KCTD16: variants seen among roughly 807,000 people sequenced by gnomAD.
The protein encoded by KCTD16 is potassium channel tetramerization domain containing 16, also known as BTB/POZ domain-containing protein KCTD16.
In KCTD16, 13 loss-of-function variants were observed where a neutral mutation model predicts 33.2. The ratio of observed to expected loss-of-function variants is 0.39; its 90% CI spans 0.25 to 0.62. KCTD16 has a LOEUF of 0.62. Among genes scored for constraint, KCTD16 ranks in the 20% least tolerant of loss-of-function variants. The pLI is 0.50. For missense variants in KCTD16, 441 were observed against 525.1 expected (o/e 0.84, Z 1.57); for synonymous variants, 197 against 195.3 (o/e 1.01, Z -0.07).
intron 3 of KCTD16, among the ~76,000 whole-genome samples, chr5:144,386,217 C>T (rs1462340447): frequency 1.3e-5 from 2 of 152,170 alleles, no homozygotes; most frequent in African/African-American, 4.8e-5. Context: ...GGAAAGGGCC[C>T]TCTGTTGTGA....
Position 144,206,910 on chromosome 5 carries a change from G to T in KCTD16, c.196G>T (p.Ala66Ser), listed in dbSNP as rs1227376801. ...AAAGAGAGACACGGCTAATGATCTA[G>T]CCAAGGACTCCAAGGGAAGGTTTTT... ...SPKRDTANDL[A>S]KDSKGRFFID... Residue 66 changes from alanine (A) to serine (S), a missense_variant, in exon 3 of 4, where the codon GCC (alanine) becomes TCC (serine). Physicochemically the swap from Ala to Ser is moderately conservative, Grantham distance 99. This residue lies in a region of KCTD16 where 80 missense variants were observed against 88.5 expected (regional missense o/e 0.90). Coordinates refer to ENST00000512467, the MANE Select transcript of KCTD16 (RefSeq NM_020768.4). 6.2e-7 allele frequency: 1 copy of T among 1,614,148 alleles called. No individual in the cohort carries two copies. The highest frequency in any genetic ancestry group is 1.1e-5 in the South Asian group (1 of 91,080).
chr5:144,201,529 A>G (rs1323937941), intron 2 of KCTD16, among the ~76,000 whole-genome samples: 1 of 152,218 alleles, frequency 6.6e-6, no homozygotes, highest in Non-Finnish European at 1.5e-5. Flanking sequence ...CATGAACACT[A>G]ATGACATTTA....
At chr5:144,218,250 G>A (rs1359427270) in intron 3 of KCTD16, among the ~76,000 whole-genome samples, 1 of 152,130 alleles carries the variant, frequency 6.6e-6, no homozygotes, top group Non-Finnish European at 1.5e-5. Flanking sequence ...AGTGTGATGA[G>A]GAAGTGTAAA....
chr5:144,221,374 C>T (rs1164838944), intron 3 of KCTD16, among the ~76,000 whole-genome samples: 2 of 152,110 alleles, frequency 1.3e-5, no homozygotes, highest in African/African-American at 4.8e-5. Context: ...CCCATCATCC[C>T]ATCACCTACA....
chr5:144,277,674 A>G (rs1400088640), intron 3 of KCTD16, among the ~76,000 whole-genome samples: 1 of 152,228 alleles, frequency 6.6e-6, no homozygotes, highest in Admixed American at 6.5e-5. Flanking sequence ...GTTATCTCCA[A>G]CCTTGTTAGT....
intron 3 of KCTD16, among the ~76,000 whole-genome samples, chr5:144,428,261 G>C (rs1036942304): frequency 6.6e-6 from 1 of 152,138 alleles, no homozygotes; most frequent in Non-Finnish European, 1.5e-5. Flanking sequence ...GCTGTTGCTT[G>C]TCTGTTAATC....
intron 3 of KCTD16, among the ~76,000 whole-genome samples, chr5:144,419,960 ACTC>A (rs955690846): frequency 9.2e-5 from 14 of 152,050 alleles, no homozygotes; most frequent in Admixed American, 3.9e-4. Flanking sequence ...CCTAGGAAGA[ACTC>A]CTGAAGCAGA....
intron 3 of KCTD16, among the ~76,000 whole-genome samples, chr5:144,436,166 T>C (rs1753571942): frequency 6.6e-6 from 1 of 152,178 alleles, no homozygotes; most frequent in East Asian, 1.9e-4. Flanking sequence ...CTTTTCTTCC[T>C]CTCTGTTGGG....
At chr5:144,330,454 A>G (rs1752331588) in intron 3 of KCTD16, among the ~76,000 whole-genome samples, 1 of 150,612 alleles carries the variant, frequency 6.6e-6, no homozygotes, top group African/African-American at 2.4e-5. Context: ...GGCTTTATTT[A>G]CTGGGATTAT....
intron 3 of KCTD16, among the ~76,000 whole-genome samples, chr5:144,289,650 A>G (rs1755840147): frequency 6.6e-6 from 1 of 152,204 alleles, no homozygotes; most frequent in Non-Finnish European, 1.5e-5. Flanking sequence ...GAAGGTAATA[A>G]CACATGCTCT....
At position 144,392,166 on chromosome 5, in the gene KCTD16, G is replaced by A. The variant is rs149710951; in HGVS notation, c.833-81494G>A. Among the ~76,000 whole-genome samples, 698 of 152,274 alleles carry A rather than the reference G, an allele frequency of 4.6e-3. 2 individuals are homozygous for A. The highest frequency in any genetic ancestry group is 7.4e-3 in the Non-Finnish European group (502 of 68,030). Reference sequence around the variant, plus strand: ...ACAGAGTTAGTGAAAACAGAAAGTCGTGAAATGAGCAGTGGTAAGCTGGCA... The same window carrying A: ...ACAGAGTTAGTGAAAACAGAAAGTCATGAAATGAGCAGTGGTAAGCTGGCA... On this transcript the variant is annotated intron_variant, in intron 3 of 3. Coordinates refer to ENST00000512467, the MANE Select transcript of KCTD16 (RefSeq NM_020768.4).
intron 3 of KCTD16, among the ~76,000 whole-genome samples, chr5:144,329,642 T>C (rs937347165): frequency 6.6e-6 from 1 of 152,208 alleles, no homozygotes; most frequent in Non-Finnish European, 1.5e-5. Flanking sequence ...CTGTTAAATA[T>C]ATTTGAAGGA....
chr5:144,171,878 G>A (rs1020436776), intron 1 of KCTD16, among the ~76,000 whole-genome samples: 2 of 152,206 alleles, frequency 1.3e-5, no homozygotes, highest in Non-Finnish European at 2.9e-5. Context: ...TTTGGCTCCT[G>A]TGTTAAATCA....
At chr5:144,205,543 C>CTGG (rs1753144089) in intron 2 of KCTD16, 4 of 398,626 alleles carry the variant, frequency 1.0e-5, no homozygotes, top group African/African-American at 8.2e-5. Flanking sequence ...TTTGCCCTTG[C>CTGG]CGGCAGGTGG....
chr5:144,454,688 A>G (rs1754021566), intron 3 of KCTD16, among the ~76,000 whole-genome samples: 1 of 152,144 alleles, frequency 6.6e-6, no homozygotes, highest in Admixed American at 6.5e-5. Context: ...GCTTCATCCT[A>G]TTATCCTCTC....
chr5:144,311,210 C>CT, intron 3 of KCTD16, among the ~76,000 whole-genome samples: 1 of 152,274 alleles, frequency 6.6e-6, no homozygotes. Context: ...GTGCAGCAAA[C>CT]TAACAGGGCA....
At chr5:144,368,679 T>A (rs1198956378) in intron 3 of KCTD16, among the ~76,000 whole-genome samples, 1 of 152,178 alleles carries the variant, frequency 6.6e-6, no homozygotes. Flanking sequence ...TTCTGACCCA[T>A]GCAAACTAGG....
At chr5:144,394,673 T>C (rs1752525947) in intron 3 of KCTD16, among the ~76,000 whole-genome samples, 1 of 152,290 alleles carries the variant, frequency 6.6e-6, no homozygotes, top group South Asian at 2.1e-4. Context: ...CTTGTGATAG[T>C]GAGTGAGTCC....
intron 3 of KCTD16, among the ~76,000 whole-genome samples, chr5:144,281,117 G>A (rs1755596378): frequency 6.6e-6 from 1 of 152,270 alleles, no homozygotes; most frequent in Admixed American, 6.5e-5. Context: ...GGCAGGCGGA[G>A]GTTGCAGTGA....
Sources: allele counts gnomAD v4.1 joint callset (sites outside exome capture counted in the v4.1 genomes callset), GRCh38; gene constraint gnomAD v4.1.1; regional missense constraint gnomAD v4.1.1; transcripts MANE v1.5; gene names NCBI Gene and HGNC (gene_info 2026-07-23, HGNC 2026-07-21).